The following RFC1 variants were observed in gnomAD, a reference collection of about 807,000 sequenced individuals.
RFC1 encodes replication factor C subunit 1.
A neutral mutation model predicts 137.4 loss-of-function variants in RFC1; 37 were observed. The ratio of observed to expected loss-of-function variants is 0.27; its 90% CI spans 0.21 to 0.35. The LOEUF is 0.35. Ranked by LOEUF, RFC1 falls within the 10% of genes least tolerant of loss-of-function variation. The pLI, the probability that RFC1 is intolerant of heterozygous loss-of-function variation, is 1.00. For missense variants in RFC1, 1,205 were observed against 1,358.5 expected (o/e 0.89, Z 1.78); for synonymous variants, 429 against 455.7 (o/e 0.94, Z 0.75).
At chr4:39,333,049 A>G (rs1740180899) in intron 4 of RFC1, among the ~76,000 whole-genome samples, 1 of 152,234 alleles carries the variant, frequency 6.6e-6, no homozygotes, top group Non-Finnish European at 1.5e-5. Context: ...ATTCTCTGGG[A>G]AAAACAGTGC....
chr4:39,328,202 A>G (rs565376949), intron 4 of RFC1, among the ~76,000 whole-genome samples: 126 of 152,266 alleles, frequency 8.3e-4, no homozygotes, highest in African/African-American at 2.9e-3. Flanking sequence ...TTCAACCATC[A>G]TCCCCACATT....
chr4:39,365,417 T>C, intron 1 of RFC1: 1 of 950,956 alleles, frequency 1.1e-6, no homozygotes, highest in Non-Finnish European at 1.3e-6. Context: ...TTTTAAATGG[T>C]CCTTTAAAAA....
At chr4:39,312,706 A>C (rs753763706) in intron 11 of RFC1, 46 bp downstream of exon 11, 2 of 1,544,150 alleles carry the variant, frequency 1.3e-6, no homozygotes, top group South Asian at 1.2e-5. Context: ...GAGTGTGCCA[A>C]GGCAGGCAGG....
At chr4:39,314,581 T>G (rs973726838) in intron 10 of RFC1, among the ~76,000 whole-genome samples, 4 of 151,972 alleles carry the variant, frequency 2.6e-5, no homozygotes, top group Non-Finnish European at 5.9e-5. Context: ...AGGGCACCAC[T>G]TTGACTGAAG....
In RFC1 at chr4:39,288,593, T is replaced by A; in HGVS notation, c.*168A>T. The A allele has an allele frequency of 1.7e-6, 1 of 603,638 alleles. No homozygotes were observed. The allele number at this position is 603,638 out of a possible 1,614,324, so 37.4% of individuals were successfully genotyped here. On this transcript the variant is annotated 3_prime_UTR_variant, in exon 25 of 25. Transcript: ENST00000349703. Reference sequence around the variant, plus strand: ...CCTCTATAAGAGGTGTACATAAGCCTACTGCTCATACCCTTCTAGCCATAC... The same window carrying A: ...CCTCTATAAGAGGTGTACATAAGCCAACTGCTCATACCCTTCTAGCCATAC...
intron 4 of RFC1, among the ~76,000 whole-genome samples, chr4:39,336,581 G>A (rs1400485778): frequency 1.3e-5 from 2 of 152,274 alleles, no homozygotes; most frequent in African/African-American, 4.8e-5. Context: ...CCACGTTACT[G>A]ACATTTGAAG....
intron 4 of RFC1, among the ~76,000 whole-genome samples, chr4:39,335,019 T>C (rs1740284304): frequency 1.3e-5 from 2 of 152,244 alleles, no homozygotes; most frequent in South Asian, 4.1e-4. Context: ...CTGGAATTCA[T>C]ACTGCTGAGA....
chr4:39,332,962 A>G (rs1442487200), intron 4 of RFC1, among the ~76,000 whole-genome samples: 1 of 152,210 alleles, frequency 6.6e-6, no homozygotes, highest in Non-Finnish European at 1.5e-5. Context: ...TACAAATACA[A>G]TAAGACAAAA....
At chr4:39,293,497 G>A (rs1357879866) in intron 22 of RFC1, among the ~76,000 whole-genome samples, 1 of 152,090 alleles carries the variant, frequency 6.6e-6, no homozygotes, top group Non-Finnish European at 1.5e-5. Flanking sequence ...AAACCAATAA[G>A]ATCACTCTTC....
rs1425556203 is a variant in RFC1, at chr4:39,287,829, C to G, written c.*932G>C. ...CTCTCAGGGGCAAAGTGAACAAAAG[C>G]CAGTGTTCATTTTGTCCCCCACCAT... On this transcript the variant is annotated 3_prime_UTR_variant, in exon 25 of 25. Transcript: ENST00000349703. 2.0e-5 allele frequency: 3 copies of G among 152,208 alleles called. No homozygotes were observed. The highest frequency in any genetic ancestry group is 7.2e-5 in the African/African-American group (3 of 41,432). 9.4% of individuals were successfully genotyped at this position (152,208 alleles called of 1,614,324 possible).
intron 5 of RFC1, among the ~76,000 whole-genome samples, 190 bp from the exon 6 acceptor site, chr4:39,326,830 T>C (rs1739793734): frequency 6.6e-6 from 1 of 152,146 alleles, no homozygotes; most frequent in South Asian, 2.1e-4. Context: ...CCCTAATAAA[T>C]ATCCTATAGA....
At chr4:39,341,744 C>T (rs1041206151) in intron 4 of RFC1, 2 of 445,354 alleles carry the variant, frequency 4.5e-6, no homozygotes, top group Non-Finnish European at 9.1e-6. Flanking sequence ...GACAATATAA[C>T]TCTGGGATCC....
rs184621867 is a variant in RFC1 at position 39,359,868 on chromosome 4, G to C, written c.3+6371C>G. Among the ~76,000 whole-genome samples, 982 of 151,506 alleles carry C rather than the reference G, an allele frequency of 6.5e-3. 7 individuals are homozygous for C. The highest frequency in any genetic ancestry group is 6.8e-3 in the Middle Eastern group (2 of 292). ...ATACAGTGGACTCTGGGGAGTCAGG[G>C]AAACGGTGGGAAGGAAGTGAGGGAT... On this transcript the variant is annotated intron_variant, in intron 1 of 24. Transcript: ENST00000349703.
intron 6 of RFC1, among the ~76,000 whole-genome samples, chr4:39,325,749 G>A (rs1047807007): frequency 2.6e-5 from 4 of 152,124 alleles, no homozygotes; most frequent in African/African-American, 7.2e-5. Flanking sequence ...CATGTTTCAA[G>A]GCACATTCAG....
At chr4:39,320,772 C>T (rs1739482681) in intron 8 of RFC1, 103 bp from the exon 9 acceptor site, 1 of 1,114,612 alleles carries the variant, frequency 9.0e-7, no homozygotes, top group East Asian at 2.8e-5. Flanking sequence ...CAGAATATAC[C>T]CTGAAGGCCC....
chr4:39,362,999 A>G lies in RFC1; in HGVS notation c.3+3240T>C, dbSNP rs564660527. On this transcript the variant is annotated intron_variant, in intron 1 of 24. Transcript: ENST00000349703. Reference sequence around the variant, plus strand: ...TCCACATAGTAAACCATGATGTGAAAGTTGCCTGCCTGTAGGAGTGGAGCA... The same window carrying G: ...TCCACATAGTAAACCATGATGTGAAGGTTGCCTGCCTGTAGGAGTGGAGCA... Among the ~76,000 whole-genome samples the G allele has an allele frequency of 2.0e-4, 30 of 152,362 alleles. No homozygotes were observed. In the East Asian group the frequency reaches 5.6e-3, roughly 28 times the overall value.
At chr4:39,298,695 T>TA (rs1475053985) in intron 21 of RFC1, among the ~76,000 whole-genome samples, 2 of 152,084 alleles carry the variant, frequency 1.3e-5, no homozygotes, top group Admixed American at 6.6e-5. Flanking sequence ...TGACCAAAAA[T>TA]AAAAAAACAA....
chr4:39,303,181 G>A, intron 15 of RFC1, 30 bp from the exon 16 acceptor site: 1 of 1,469,806 alleles, frequency 6.8e-7, no homozygotes, highest in African/African-American at 1.4e-5. Context: ...AATGGGATGA[G>A]ACAAAAACAA....
Position 39,291,686 on chromosome 4 carries a change from T to C in RFC1, c.3121A>G (p.Ser1041Gly), listed in dbSNP as rs1737685314. Reference sequence around the variant, plus strand: ...GGACTAGGTTTGCCACCCCAGCTGCTGATTTCCATGATATTCTCAAAGTCT... The same window carrying C: ...GGACTAGGTTTGCCACCCCAGCTGCCGATTTCCATGATATTCTCAAAGTCT... ...KEDFENIMEI[S>G]SWGGKPSPFS... The change falls in exon 23 of 25, where the codon AGC becomes GGC. Residue 1041 changes from serine (S) to glycine (G), a missense_variant. Around this residue, in one of 3 missense-constraint regions of RFC1, gnomAD observed 237 missense variants for 304.2 expected, o/e 0.78. Transcript: ENST00000349703. 1.9e-6 allele frequency: 3 copies of C among 1,614,198 alleles called. No homozygotes were observed. The highest frequency in any genetic ancestry group is 2.5e-6 in the Non-Finnish European group (3 of 1,180,022).
Sources: allele counts gnomAD v4.1 joint callset (sites outside exome capture counted in the v4.1 genomes callset), GRCh38; gene constraint gnomAD v4.1.1; regional missense constraint gnomAD v4.1.1; transcripts MANE v1.5; gene names NCBI Gene and HGNC (gene_info 2026-07-23, HGNC 2026-07-21).